Variants in LTBP1 observed in about 807,000 individuals in gnomAD.
The protein encoded by LTBP1 is latent-transforming growth factor beta-binding protein 1.
A neutral mutation model predicts 207.6 loss-of-function variants in LTBP1; 129 were observed. The observed-to-expected ratio is 0.62, with a 90% confidence interval of 0.54 to 0.72. The LOEUF (loss-of-function observed/expected upper bound fraction) is 0.72, where lower values mean the gene tolerates loss of function less well. LTBP1 is among the 30% of genes least tolerant of loss of function. LTBP1 has a pLI of 0.00. For missense variants in LTBP1, 2,281 were observed against 2,217.2 expected (o/e 1.03, Z -0.58); for synonymous variants, 963 against 833.7 (o/e 1.16, Z -2.67).
At chr2:33,283,070 AAAAAAAAAAAAAAAG>A (rs2093592794) in intron 19 of LTBP1, among the ~76,000 whole-genome samples, 1 of 140,524 alleles carries the variant, frequency 7.1e-6, no homozygotes, top group Non-Finnish European at 1.6e-5. Context: ...TCAAAAAAAA[AAAAAAAAAAAAAAAG>A]AGAGAGTGAA....
Position 33,055,657 on chromosome 2 carries a change from T to G in LTBP1, c.863+34451T>G, listed in dbSNP as rs552865646. On this transcript the variant is annotated intron_variant, in intron 3 of 33. Transcript: ENST00000404816. ...GGTTTGATCTAACAGTAGCATGACA[T>G]CTCTCCAAGTGAGGTCAAAGGTTTG... 5.3e-4 allele frequency among the ~76,000 whole-genome samples: 80 copies of G among 152,310 alleles called. No homozygotes were observed. The Middle Eastern group carries it at 0.01, about 19-fold the overall frequency.
At chr2:33,150,303 G>A (rs999057385) in intron 5 of LTBP1, among the ~76,000 whole-genome samples, 3 of 152,028 alleles carry the variant, frequency 2.0e-5, no homozygotes, top group African/African-American at 7.3e-5. Flanking sequence ...AATTCCCTCG[G>A]TGTGTAGGGG....
At chr2:33,360,243 T>C (rs2094911936) in intron 26 of LTBP1, among the ~76,000 whole-genome samples, 1 of 152,196 alleles carries the variant, frequency 6.6e-6, no homozygotes, top group Admixed American at 6.5e-5. Context: ...AAATTTTTAT[T>C]GATTTAAGTA....
chr2:33,013,040 A>G (rs897005104), intron 2 of LTBP1, among the ~76,000 whole-genome samples: 1 of 152,128 alleles, frequency 6.6e-6, no homozygotes, highest in African/African-American at 2.4e-5. Context: ...CTCAACCTTT[A>G]TGGTTCTTTT....
chr2:33,075,578 A>T (rs2078037263), intron 3 of LTBP1, among the ~76,000 whole-genome samples: 1 of 152,176 alleles, frequency 6.6e-6, no homozygotes, highest in African/African-American at 2.4e-5. Flanking sequence ...ATTCCTTCCC[A>T]CTTTCTTGGC....
intron 5 of LTBP1, among the ~76,000 whole-genome samples, chr2:33,176,296 T>C (rs2086049822): frequency 6.6e-6 from 1 of 152,178 alleles, no homozygotes; most frequent in Admixed American, 6.5e-5. Context: ...GTGGGATCTC[T>C]GTTCACTGCA....
chr2:33,053,872 T>G (rs2076863262), intron 3 of LTBP1, among the ~76,000 whole-genome samples: 1 of 152,144 alleles, frequency 6.6e-6, no homozygotes, highest in African/African-American at 2.4e-5. Flanking sequence ...GTAGCCAAAA[T>G]TAAATCATCC....
intron 31 of LTBP1, among the ~76,000 whole-genome samples, chr2:33,382,235 C>T (rs1243975695): frequency 1.3e-5 from 2 of 151,638 alleles, no homozygotes; most frequent in African/African-American, 4.8e-5. Flanking sequence ...GCTGGGACTA[C>T]AGGTGCACGC....
At chr2:33,061,096 A>G (rs1308636878) in intron 3 of LTBP1, among the ~76,000 whole-genome samples, 4 of 152,174 alleles carry the variant, frequency 2.6e-5, no homozygotes, top group Non-Finnish European at 5.9e-5. Flanking sequence ...TGAAGTATTT[A>G]TGGAAGATAA....
chr2:33,143,445 C>T (rs2082787367), intron 5 of LTBP1, among the ~76,000 whole-genome samples: 1 of 152,110 alleles, frequency 6.6e-6, no homozygotes, highest in Non-Finnish European at 1.5e-5. Flanking sequence ...ACAGCTTCAT[C>T]ATTAGTTCTC....
intron 24 of LTBP1, among the ~76,000 whole-genome samples, chr2:33,339,777 C>G (rs756343630): frequency 6.6e-6 from 1 of 151,806 alleles, no homozygotes; most frequent in Non-Finnish European, 1.5e-5. Flanking sequence ...TCCCAAGTAA[C>G]TGGGATTACA....
intron 3 of LTBP1, among the ~76,000 whole-genome samples, chr2:33,039,460 A>T (rs1339139575): frequency 1.3e-5 from 2 of 152,232 alleles, no homozygotes; most frequent in Admixed American, 6.5e-5. Flanking sequence ...CTTACCTCTT[A>T]TACTACATTT....
At chr2:33,085,368 G>A (rs567338503) in intron 3 of LTBP1, among the ~76,000 whole-genome samples, 2 of 152,294 alleles carry the variant, frequency 1.3e-5, no homozygotes, top group East Asian at 3.9e-4. Flanking sequence ...CTTATTATGA[G>A]AAATAATGGA....
At chr2:33,121,573 A>G (rs979576136) in intron 4 of LTBP1, among the ~76,000 whole-genome samples, 2 of 152,176 alleles carry the variant, frequency 1.3e-5, no homozygotes, top group Non-Finnish European at 2.9e-5. Flanking sequence ...CATGAGTGCA[A>G]CTGCTTCACT....
chr2:33,056,900 G>A (rs868220396), intron 3 of LTBP1, among the ~76,000 whole-genome samples: 2 of 152,172 alleles, frequency 1.3e-5, no homozygotes, highest in African/African-American at 2.4e-5. Flanking sequence ...CTGCCGATTG[G>A]TCCATTTTAC....
intron 2 of LTBP1, among the ~76,000 whole-genome samples, chr2:32,964,308 G>A (rs1679608496): frequency 6.6e-6 from 1 of 152,206 alleles, no homozygotes; most frequent in African/African-American, 2.4e-5. Flanking sequence ...GCTGAAAAAG[G>A]AGCTGGTTTG....
intron 20 of LTBP1, among the ~76,000 whole-genome samples, chr2:33,296,525 A>G (rs919605623): frequency 6.6e-6 from 1 of 152,096 alleles, no homozygotes; most frequent in African/African-American, 2.4e-5. Context: ...ACATTGTGTC[A>G]TCCCTAAAAT....
rs575794438 is a variant in LTBP1 at position 32,947,556 on chromosome 2, G to C, written c.232G>C (p.Gly78Arg). ...AAGAPSRASPGVPSERTRRTS... is the reference protein window; with the variant it reads ...AAGAPSRASPRVPSERTRRTS... ...CGGCGCCCCCAGCCGTGCCTCCCCCGGGGTCCCCTCGGAGAGGACCCGGCG... is the reference window on the plus strand; with the variant it reads ...CGGCGCCCCCAGCCGTGCCTCCCCCCGGGTCCCCTCGGAGAGGACCCGGCG... Residue 78 changes from glycine to arginine, a missense_variant, in exon 1 of 34, where the codon GGG becomes CGG. By Grantham distance (125) the Gly-to-Arg change is moderately radical. Coordinates refer to ENST00000404816, the MANE Select transcript of LTBP1 (RefSeq NM_206943.4). 14 of 1,365,364 alleles carry C rather than the reference G, an allele frequency of 1.0e-5. No individual in the cohort carries two copies. Among genetic ancestry groups the C allele is most frequent in the Non-Finnish European group, 1.2e-5 (13 of 1,061,650 alleles). 84.6% of individuals were successfully genotyped at this position (1,365,364 alleles called of 1,614,324 possible).
At chr2:33,026,652 G>A (rs1296100809) in intron 3 of LTBP1, among the ~76,000 whole-genome samples, 1 of 152,136 alleles carries the variant, frequency 6.6e-6, no homozygotes, top group South Asian at 2.1e-4. Flanking sequence ...GGCATTGAAC[G>A]AAAGTTGAAC....
Sources: allele counts gnomAD v4.1 joint callset (sites outside exome capture counted in the v4.1 genomes callset), GRCh38; gene constraint gnomAD v4.1.1; transcripts MANE v1.5; gene names NCBI Gene and HGNC (gene_info 2026-07-23, HGNC 2026-07-21).